Variants in SGMS1 observed in about 807,000 individuals in gnomAD.
The protein encoded by SGMS1 is phosphatidylcholine:ceramide cholinephosphotransferase 1.
In SGMS1, 13 loss-of-function variants were observed where a neutral mutation model predicts 46.2. The observed-to-expected ratio is 0.28, with a 90% confidence interval of 0.18 to 0.45. SGMS1 has a LOEUF of 0.45. Ranked by LOEUF, SGMS1 falls within the 20% of genes least tolerant of loss-of-function variation. The probability of loss-of-function intolerance (pLI) is 1.00; values close to 1 mark genes in which losing one functional copy is unlikely to be tolerated. For missense variants in SGMS1, 324 were observed against 519.9 expected (o/e 0.62, Z 3.66); for synonymous variants, 203 against 187.8 (o/e 1.08, Z -0.66).
intron 6 of SGMS1, among the ~76,000 whole-genome samples, chr10:50,425,877 C>A (rs1849319461): frequency 6.6e-6 from 1 of 152,082 alleles, no homozygotes; most frequent in African/African-American, 2.4e-5. Context: ...TTTCCCTGAA[C>A]CTGTGGCAAT....
intron 6 of SGMS1, among the ~76,000 whole-genome samples, chr10:50,372,328 A>G (rs1848449301): frequency 6.6e-6 from 1 of 152,218 alleles, no homozygotes; most frequent in Non-Finnish European, 1.5e-5. Context: ...AAATATAAAA[A>G]AGAACAAACC....
chr10:50,468,018 G>A (rs1837346017), intron 3 of SGMS1, among the ~76,000 whole-genome samples: 1 of 152,178 alleles, frequency 6.6e-6, no homozygotes, highest in Non-Finnish European at 1.5e-5. Flanking sequence ...AGAGGGGAGA[G>A]AAGGGAGTGG....
At chr10:50,557,275 G>C in intron 2 of SGMS1, among the ~76,000 whole-genome samples, 1 of 152,122 alleles carries the variant, frequency 6.6e-6, no homozygotes, top group East Asian at 1.9e-4. Flanking sequence ...AGAGCAAGAA[G>C]AATGTTGGAA....
intron 5 of SGMS1, among the ~76,000 whole-genome samples, chr10:50,459,060 G>A (rs543470791): frequency 2.1e-4 from 32 of 152,092 alleles, no homozygotes; most frequent in African/African-American, 7.5e-4. Context: ...AATATTTCTG[G>A]CAAAATCTTA....
intron 6 of SGMS1, among the ~76,000 whole-genome samples, chr10:50,382,236 T>C (rs1050400278): frequency 3.3e-5 from 5 of 152,120 alleles, no homozygotes; most frequent in Non-Finnish European, 7.4e-5. Flanking sequence ...AGAACTCCCA[T>C]ATACAATAGG....
At chr10:50,494,173 G>C (rs1837590632) in intron 3 of SGMS1, among the ~76,000 whole-genome samples, 1 of 152,246 alleles carries the variant, frequency 6.6e-6, no homozygotes, top group Non-Finnish European at 1.5e-5. Flanking sequence ...GTTATACACT[G>C]TTGGTGGGAG....
At position 50,327,727 on chromosome 10, in the gene SGMS1, T is replaced by C. The variant is rs368627336; in HGVS notation, c.624-405A>G. On this transcript the variant is annotated intron_variant, in intron 7 of 10. Coordinates refer to ENST00000361781, the MANE Select transcript of SGMS1 (RefSeq NM_147156.4). ...AGATCTTCAGAAAATCAGAATGATA[T>C]TAGAATGAGAATTTAAAACTTTTAT... Among the ~76,000 whole-genome samples the C allele has an allele frequency of 4.2e-4, 64 of 152,334 alleles. No individual in the cohort carries two copies. In the East Asian group the frequency reaches 6.4e-3, roughly 15 times the overall value.
intron 1 of SGMS1, 43 bp downstream of exon 1, chr10:50,623,664 C>A: frequency 1.0e-6 from 1 of 985,424 alleles, no homozygotes; most frequent in Non-Finnish European, 1.2e-6. Context: ...GATCGGCCCC[C>A]GCAACCGTGA....
upstream of SGMS1, chr10:50,624,082 C>T: frequency 1.0e-6 from 1 of 985,226 alleles, no homozygotes; most frequent in Non-Finnish European, 1.2e-6. Context: ...GGGGCTCCTC[C>T]CGGGACCGAG....
At chr10:50,588,720 A>ACT (rs1219005634) in intron 2 of SGMS1, among the ~76,000 whole-genome samples, 1 of 124,504 alleles carries the variant, frequency 8.0e-6, no homozygotes, top group African/African-American at 3.0e-5. Flanking sequence ...AGACTGATCT[A>ACT]ATTTTTTTTT....
intron 8 of SGMS1, among the ~76,000 whole-genome samples, chr10:50,316,404 G>A (rs1012566600): frequency 6.6e-6 from 1 of 152,200 alleles, no homozygotes; most frequent in Non-Finnish European, 1.5e-5. Context: ...TGTTGGAGCC[G>A]AGCCTAGAAT....
chr10:50,394,319 T>C (rs996230891), intron 6 of SGMS1, among the ~76,000 whole-genome samples: 1 of 152,220 alleles, frequency 6.6e-6, no homozygotes, highest in African/African-American at 2.4e-5. Flanking sequence ...GACTCCATCA[T>C]AAGCCATGTG....
intron 2 of SGMS1, among the ~76,000 whole-genome samples, chr10:50,567,261 T>C (rs922816259): frequency 2.0e-5 from 3 of 152,192 alleles, no homozygotes; most frequent in African/African-American, 4.8e-5. Context: ...GTATTTTTTA[T>C]TGTGGTATTG....
intron 2 of SGMS1, among the ~76,000 whole-genome samples, chr10:50,577,400 C>T (rs1838394744): frequency 1.3e-5 from 2 of 151,940 alleles, no homozygotes; most frequent in Non-Finnish European, 2.9e-5. Context: ...ATGAAGAAGA[C>T]ATAAAAAAAG....
At chr10:50,537,809 G>A (rs1041470364) in intron 2 of SGMS1, among the ~76,000 whole-genome samples, 1 of 152,118 alleles carries the variant, frequency 6.6e-6, no homozygotes, top group African/African-American at 2.4e-5. Flanking sequence ...GGAAGAATGA[G>A]GTTACAAAGC....
At chr10:50,313,795 G>C (rs1468568492) in intron 8 of SGMS1, among the ~76,000 whole-genome samples, 1 of 152,042 alleles carries the variant, frequency 6.6e-6, no homozygotes, top group Non-Finnish European at 1.5e-5. Flanking sequence ...AATGTGTTTG[G>C]GCAGAAAGGA....
intron 2 of SGMS1, among the ~76,000 whole-genome samples, chr10:50,537,086 C>T (rs1452152802): frequency 2.0e-5 from 3 of 152,222 alleles, no homozygotes; most frequent in African/African-American, 7.2e-5. Flanking sequence ...TTGCATTTCT[C>T]TCAAGCTCCT....
intron 6 of SGMS1, among the ~76,000 whole-genome samples, chr10:50,416,974 T>C (rs1849179911): frequency 1.3e-5 from 2 of 152,092 alleles, no homozygotes; most frequent in Admixed American, 6.6e-5. Context: ...TCTTCATAAA[T>C]GCATGTGTAA....
At chr10:50,436,712 G>A (rs1279944557) in intron 5 of SGMS1, among the ~76,000 whole-genome samples, 1 of 152,172 alleles carries the variant, frequency 6.6e-6, no homozygotes. Context: ...CCCCTGGGTG[G>A]AAGAAGACTG....
Sources: gnomAD v4.1 joint callset for allele counts (sites outside exome capture counted in the v4.1 genomes callset) on GRCh38, gnomAD v4.1.1 for gene constraint, MANE v1.5 for transcripts, NCBI Gene and HGNC (gene_info 2026-07-23, HGNC 2026-07-21) for gene names.